The following BICD1 variants were observed in gnomAD, a reference collection of about 807,000 sequenced individuals.
BICD1 encodes the protein protein bicaudal D homolog 1.
A neutral mutation model predicts 92.5 loss-of-function variants in BICD1; 35 were observed. The ratio of observed to expected loss-of-function variants is 0.38; its 90% CI spans 0.29 to 0.50. BICD1 has a LOEUF of 0.50. BICD1 is among the 20% of genes least tolerant of loss of function. The pLI, the probability that BICD1 is intolerant of heterozygous loss-of-function variation, is 0.93. For synonymous variants in BICD1, 429 were observed against 465.1 expected (o/e 0.92, Z 1.00); for missense variants, 950 against 1,189.8 (o/e 0.80, Z 2.97).
intron 1 of BICD1, among the ~76,000 whole-genome samples, chr12:32,179,562 A>G (rs1303155460): frequency 6.6e-6 from 1 of 151,956 alleles, no homozygotes. Flanking sequence ...AAAGGAATCT[A>G]AATCTCTACT....
chr12:32,349,972 C>T (rs761850608), intron 8 of BICD1, among the ~76,000 whole-genome samples: 6 of 152,136 alleles, frequency 3.9e-5, no homozygotes, highest in Non-Finnish European at 5.9e-5. Context: ...CTGGAATGTC[C>T]GTCAACATGA....
intron 8 of BICD1, among the ~76,000 whole-genome samples, chr12:32,362,901 C>A (rs995720396): frequency 6.6e-6 from 1 of 152,024 alleles, no homozygotes; most frequent in Non-Finnish European, 1.5e-5. Context: ...GATATTCTCC[C>A]ATATTATCAA....
At chr12:32,217,658 A>G (rs1471732673) in intron 2 of BICD1, among the ~76,000 whole-genome samples, 3 of 152,232 alleles carry the variant, frequency 2.0e-5, no homozygotes, top group African/African-American at 7.2e-5. Context: ...GACAGTTTTC[A>G]GGATACCAGG....
At chr12:32,315,425 T>G (rs1268882756) in intron 4 of BICD1, among the ~76,000 whole-genome samples, 1 of 152,260 alleles carries the variant, frequency 6.6e-6, no homozygotes, top group Non-Finnish European at 1.5e-5. Context: ...AAGAAGTTTC[T>G]TCAGGACTGT....
chr12:32,238,770 C>G (rs142441664), intron 2 of BICD1, among the ~76,000 whole-genome samples: 7,798 of 151,366 alleles, frequency 0.052, 226 homozygotes, highest in Middle Eastern at 0.11. Context: ...CATGCTGAAA[C>G]CCCATTTCTA....
intron 1 of BICD1, 54 bp from the exon 2 acceptor site, chr12:32,216,193 G>C: frequency 6.4e-7 from 1 of 1,560,434 alleles, no homozygotes; most frequent in Non-Finnish European, 8.8e-7. Context: ...AGTCTTAAAA[G>C]AGGGTTATGA....
chr12:32,187,943 C>CT (rs1162337938), intron 1 of BICD1, among the ~76,000 whole-genome samples: 2 of 116,920 alleles, frequency 1.7e-5, no homozygotes, highest in African/African-American at 3.1e-5. Flanking sequence ...ACTATAAATG[C>CT]ATTTTTTTTT....
At chr12:32,120,164 A>G (rs1942090728) in intron 1 of BICD1, among the ~76,000 whole-genome samples, 1 of 152,162 alleles carries the variant, frequency 6.6e-6, no homozygotes, top group South Asian at 2.1e-4. Flanking sequence ...ACATTTGTAA[A>G]TAGAATATTT....
At chr12:32,171,803 G>A (rs751033109) in intron 1 of BICD1, among the ~76,000 whole-genome samples, 1 of 151,874 alleles carries the variant, frequency 6.6e-6, no homozygotes, top group Admixed American at 6.6e-5. Context: ...GCATGGTGGC[G>A]TGCACCTGTA....
chr12:32,251,680 G>A (rs181700376), intron 2 of BICD1, among the ~76,000 whole-genome samples: 110 of 152,108 alleles, frequency 7.2e-4, no homozygotes, highest in African/African-American at 2.4e-3. Context: ...AGCTCCCTGT[G>A]TTAATGGAGT....
intron 1 of BICD1, among the ~76,000 whole-genome samples, chr12:32,151,558 T>A (rs1943288835): frequency 6.6e-6 from 1 of 152,248 alleles, no homozygotes; most frequent in African/African-American, 2.4e-5. Context: ...GGTTATGTTC[T>A]CAGGCATCCC....
At chr12:32,283,268 A>G (rs1049430669) in intron 2 of BICD1, among the ~76,000 whole-genome samples, 2 of 152,142 alleles carry the variant, frequency 1.3e-5, no homozygotes, top group Non-Finnish European at 2.9e-5. Flanking sequence ...TTTTAAGTCC[A>G]TCACTCTTAT....
chr12:32,161,939 TA>T (rs1054592887), intron 1 of BICD1, among the ~76,000 whole-genome samples: 2 of 151,736 alleles, frequency 1.3e-5, no homozygotes, highest in East Asian at 1.9e-4. Flanking sequence ...ACTGCCATAA[TA>T]AAAAAAAGCT....
intron 8 of BICD1, among the ~76,000 whole-genome samples, chr12:32,348,344 A>G (rs1380067379): frequency 6.6e-6 from 1 of 152,196 alleles, no homozygotes; most frequent in Non-Finnish European, 1.5e-5. Context: ...TAGTACCATT[A>G]TGTAATTTTA....
At chr12:32,350,791 G>GTTTTT (rs879279039) in intron 8 of BICD1, among the ~76,000 whole-genome samples, 14 of 152,250 alleles carry the variant, frequency 9.2e-5, no homozygotes, top group Admixed American at 9.2e-4. Context: ...ACTCAAAATG[G>GTTTTT]TTGACTATTC....
At chr12:32,338,718 G>A in intron 7 of BICD1, 68 bp from the exon 8 acceptor site, 4 of 1,260,854 alleles carry the variant, frequency 3.2e-6, no homozygotes, top group Non-Finnish European at 4.4e-6. Flanking sequence ...CACTGGTGAG[G>A]CGTTAAAAGG....
At chr12:32,215,036 C>G (rs1208056245) in intron 1 of BICD1, among the ~76,000 whole-genome samples, 1 of 152,126 alleles carries the variant, frequency 6.6e-6, no homozygotes, top group Non-Finnish European at 1.5e-5. Context: ...TGAGACCAGC[C>G]TGGCCAACAA....
At chr12:32,304,573 T>C (rs1948160002) in intron 3 of BICD1, among the ~76,000 whole-genome samples, 1 of 152,198 alleles carries the variant, frequency 6.6e-6, no homozygotes, top group Admixed American at 6.5e-5. Context: ...AAAATGTTTC[T>C]TAAAAGGTGG....
intron 1 of BICD1, among the ~76,000 whole-genome samples, chr12:32,171,462 C>CA (rs1329126767): frequency 1.3e-5 from 2 of 152,158 alleles, no homozygotes; most frequent in East Asian, 3.9e-4. Context: ...GTGATGCTTT[C>CA]CTTTCCTTAT....
Sources: allele counts gnomAD v4.1 joint callset (sites outside exome capture counted in the v4.1 genomes callset), GRCh38; gene constraint gnomAD v4.1.1; transcripts MANE v1.5; gene names NCBI Gene and HGNC (gene_info 2026-07-23, HGNC 2026-07-21).